MMRN1: variants seen among roughly 807,000 people sequenced by gnomAD.
The protein encoded by MMRN1 is multimerin-1.
In MMRN1, 94 loss-of-function variants were observed where a neutral mutation model predicts 100.7. The observed-to-expected ratio is 0.93, with a 90% CI of 0.79 to 1.11. MMRN1 has a LOEUF of 1.11. Ranked by LOEUF, MMRN1 falls within the 50% of genes least tolerant of loss-of-function variation. The probability of loss-of-function intolerance (pLI) is 0.00; values close to 1 mark genes in which losing one functional copy is unlikely to be tolerated. For missense variants in MMRN1, 1,606 were observed against 1,439.1 expected (o/e 1.12, Z -1.88); for synonymous variants, 575 against 505.0 (o/e 1.14, Z -1.86).
At chr4:89,911,295 T>G (rs997918906) in intron 2 of MMRN1, among the ~76,000 whole-genome samples, 1 of 151,462 alleles carries the variant, frequency 6.6e-6, no homozygotes, top group African/African-American at 2.4e-5. Flanking sequence ...TGCTATAGTT[T>G]CCATATTTCT....
chr4:89,917,266 T>C (rs927460558), intron 3 of MMRN1, among the ~76,000 whole-genome samples: 1 of 151,884 alleles, frequency 6.6e-6, no homozygotes, highest in Non-Finnish European at 1.5e-5. Flanking sequence ...AATTCCATTA[T>C]AAAATGCAAC....
rs928492259 is a variant in MMRN1, at chr4:89,935,976, A to G, written c.2296A>G (p.Thr766Ala). 6.2e-7 allele frequency: 1 copy of G among 1,612,656 alleles called. No individual in the cohort carries two copies. Among genetic ancestry groups the G allele is most frequent in the Non-Finnish European group, 8.5e-7 (1 of 1,179,084 alleles). Residue 766 changes from threonine to alanine, a missense_variant, in exon 6 of 8, where the codon ACC becomes GCC. By Grantham distance (58) the Thr-to-Ala change is moderately conservative. Coordinates refer to ENST00000264790, the MANE Select transcript of MMRN1 (RefSeq NM_007351.3). ...KDNSEIHHKC[T>A]SDMETILTFI... is the part of the protein sequence containing the mutation. ...TAATAGTGAGATCCATCATAAATGT[A>G]CCTCCGATATGGAAACTATTTTGAC...
chr4:89,885,968 G>A (rs1720926951), intron 1 of MMRN1, among the ~76,000 whole-genome samples: 2 of 151,172 alleles, frequency 1.3e-5, no homozygotes, highest in African/African-American at 4.9e-5. Flanking sequence ...ACTTAAAATG[G>A]AAGCATACCT....
At chr4:89,946,710 G>A (rs1722996254) in intron 6 of MMRN1, among the ~76,000 whole-genome samples, 1 of 152,044 alleles carries the variant, frequency 6.6e-6, no homozygotes, top group South Asian at 2.1e-4. Flanking sequence ...AATGCAAGGT[G>A]CTCTCCAATT....
intron 3 of MMRN1, among the ~76,000 whole-genome samples, chr4:89,916,370 A>T (rs1372638450): frequency 6.8e-6 from 1 of 147,866 alleles, no homozygotes; most frequent in Non-Finnish European, 1.5e-5. Flanking sequence ...TTCTGAAAAA[A>T]AAAAAACAAA....
At chr4:89,888,980 A>G (rs942817531) in intron 1 of MMRN1, among the ~76,000 whole-genome samples, 2 of 151,964 alleles carry the variant, frequency 1.3e-5, no homozygotes, top group Non-Finnish European at 2.9e-5. Flanking sequence ...TTTGTCTTAC[A>G]ATTTTTATTG....
rs561788869 is a variant in MMRN1 at position 89,912,151 on chromosome 4, T to A, written c.850+101T>A. Reference sequence around the variant, plus strand: ...CCTTTTGAACCAAGGTAAATTAACATGTAGCCAAACTCCTAGGACTGTTAT... The same window carrying A: ...CCTTTTGAACCAAGGTAAATTAACAAGTAGCCAAACTCCTAGGACTGTTAT... On this transcript the variant is annotated intron_variant, in intron 3 of 7. Transcript: ENST00000264790. The A allele has an allele frequency of 5.2e-6, 4 of 771,390 alleles. No homozygotes were observed. In the African/African-American group the frequency reaches 5.5e-5, roughly 11 times the overall value. 47.8% of individuals were successfully genotyped at this position (771,390 alleles called of 1,614,324 possible).
At position 89,935,808 on chromosome 4, in the gene MMRN1, G is replaced by C. The variant is rs751503134; in HGVS notation, c.2128G>C (p.Asp710His). ...NLLRNEVQGR[D>H]DALERRINEY... ...ACTTAGAAATGAAGTACAGGGTCGT[G>C]ATGATGCCTTAGAAAGACGTATCAA... is the stretch of plus-strand genomic sequence containing the variant. Residue 710 changes from aspartate (D) to histidine (H), a missense_variant, in exon 6 of 8, where the codon GAT becomes CAT. By Grantham distance (81) the Asp-to-His change is moderately conservative. Transcript: ENST00000264790. 1.2e-6 allele frequency: 2 copies of C among 1,613,302 alleles called. No homozygotes were observed. The highest frequency in any genetic ancestry group is 1.1e-5 in the South Asian group (1 of 90,988).
intron 5 of MMRN1, 61 bp downstream of exon 5, chr4:89,928,029 T>C: frequency 7.4e-7 from 1 of 1,352,732 alleles, no homozygotes; most frequent in Non-Finnish European, 1.0e-6. Flanking sequence ...GATTCATTTT[T>C]CTTTTCTTAC....
In MMRN1 at chr4:89,880,657, G is replaced by T. The variant is rs543676685; in HGVS notation, c.-249+1055G>T. On this transcript the variant is annotated intron_variant, in intron 1 of 8. Coordinates refer to the MMRN1 transcript ENST00000394980. ...GAGAGAAAACATAATGGACATTTAA[G>T]AATTGATAAATTATAGCTTTGGTTT... is the stretch of plus-strand genomic sequence containing the variant. 1.4e-3 allele frequency among the ~76,000 whole-genome samples: 208 copies of T among 152,226 alleles called. 1 individual carries two copies. The highest frequency in any genetic ancestry group is 2.3e-3 in the Non-Finnish European group (155 of 68,004).
At chr4:89,940,797 T>C (rs1722799204) in intron 6 of MMRN1, among the ~76,000 whole-genome samples, 1 of 152,194 alleles carries the variant, frequency 6.6e-6, no homozygotes, top group African/African-American at 2.4e-5. Context: ...TATATGCTTT[T>C]ATTTTCTCAA....
intron 3 of MMRN1, among the ~76,000 whole-genome samples, 169 bp downstream of exon 3, chr4:89,912,219 A>AT (rs1350997331): frequency 1.3e-5 from 2 of 151,290 alleles, no homozygotes; most frequent in African/African-American, 4.8e-5. Context: ...TAACACTCTG[A>AT]AATCTCATAA....
At chr4:89,932,145 AGGGGCTACG>A (rs1722459230) in intron 5 of MMRN1, among the ~76,000 whole-genome samples, 1 of 152,176 alleles carries the variant, frequency 6.6e-6, no homozygotes, top group African/African-American at 2.4e-5. Context: ...GCCATAACAA[AGGGGCTACG>A]GGCCTCACGC....
chr4:89,953,473 T>C lies in MMRN1; in HGVS notation c.*55T>C, dbSNP rs2110661964. ...ATTGAGAAACAGCCAGTGTTTTCAT[T>C]TATCTTTGCTTGCACATCTGCTCTG... On this transcript the variant is annotated 3_prime_UTR_variant, in exon 8 of 8. Transcript: ENST00000264790. 3 of 1,482,956 alleles carry C rather than the reference T, an allele frequency of 2.0e-6. No individual in the cohort carries two copies. Among genetic ancestry groups the C allele is most frequent in the East Asian group, 4.6e-5 (2 of 43,698 alleles). 91.9% of individuals were successfully genotyped at this position (1,482,956 alleles called of 1,614,324 possible). A position where few individuals can be genotyped will look rare whatever the true frequency, so the allele number is the denominator to read the frequency against.
chr4:89,909,195 G>A, intron 1 of MMRN1, 81 bp from the exon 2 acceptor site: 1 of 1,443,588 alleles, frequency 6.9e-7, no homozygotes, highest in Non-Finnish European at 9.5e-7. Flanking sequence ...AAAAATAAAT[G>A]TTTGTCTGTG....
intron 1 of MMRN1, among the ~76,000 whole-genome samples, chr4:89,907,835 T>G (rs1415643489): frequency 2.8e-5 from 4 of 143,558 alleles, no homozygotes; most frequent in African/African-American, 7.4e-5. Flanking sequence ...TTTTGTTTTT[T>G]TTTTTTCTAT....
intron 5 of MMRN1, among the ~76,000 whole-genome samples, chr4:89,932,348 G>A (rs191512893): frequency 9.2e-5 from 14 of 152,250 alleles, no homozygotes; most frequent in African/African-American, 3.4e-4. Flanking sequence ...TGATTTTGAA[G>A]GTCTGTGGCT....
chr4:89,891,463 G>C (rs1207868351), upstream of MMRN1, among the ~76,000 whole-genome samples: 1 of 151,942 alleles, frequency 6.6e-6, no homozygotes, highest in African/African-American at 2.4e-5. Flanking sequence ...TGTTACCCTA[G>C]GAAGTTATTT....
At chr4:89,951,547 A>G (rs1723174850) in intron 6 of MMRN1, 58 bp from the exon 7 acceptor site, 1 of 1,424,574 alleles carries the variant, frequency 7.0e-7, no homozygotes, top group East Asian at 2.6e-5. Context: ...ACGATTTGAG[A>G]TCAACAGGAA....
Sources: allele counts gnomAD v4.1 joint callset (sites outside exome capture counted in the v4.1 genomes callset), GRCh38; gene constraint gnomAD v4.1.1; transcripts MANE v1.5; gene names NCBI Gene and HGNC (gene_info 2026-07-23, HGNC 2026-07-21).